The following SEL1L variants were observed in gnomAD, a reference collection of about 807,000 sequenced individuals.
The protein encoded by SEL1L is protein sel-1 homolog 1.
In SEL1L, 52 loss-of-function variants were observed where a neutral mutation model predicts 109.8. That is an observed-to-expected ratio of 0.47 (90% CI 0.38 to 0.60). The LOEUF (loss-of-function observed/expected upper bound fraction) is 0.60. Ranked by LOEUF, SEL1L falls within the 20% of genes least tolerant of loss-of-function variation. The probability of loss-of-function intolerance (pLI) is 0.00; values close to 1 mark genes in which losing one functional copy is unlikely to be tolerated. For synonymous variants in SEL1L, 373 were observed against 339.6 expected (o/e 1.10, Z -1.08); for missense variants, 749 against 962.2 (o/e 0.78, Z 2.93).
At chr14:81,525,296 C>T (rs1185165917) in intron 3 of SEL1L, among the ~76,000 whole-genome samples, 3 of 151,936 alleles carry the variant, frequency 2.0e-5, no homozygotes, top group Non-Finnish European at 4.4e-5. Context: ...TGCCTGTAAT[C>T]CCAGCACTTT....
At chr14:81,479,581 A>AT (rs752611815) in intron 20 of SEL1L, 31 bp downstream of exon 20, 1 of 1,582,048 alleles carries the variant, frequency 6.3e-7, no homozygotes, top group South Asian at 1.2e-5. Flanking sequence ...CATCATTTAT[A>AT]TTTTAATGAA....
At chr14:81,479,582 T>C (rs1358743048) in intron 20 of SEL1L, 30 bp downstream of exon 20, 2 of 1,582,686 alleles carry the variant, frequency 1.3e-6, no homozygotes, top group East Asian at 4.5e-5. Flanking sequence ...ATCATTTATA[T>C]TTTAATGAAA....
intron 8 of SEL1L, 113 bp downstream of exon 8, chr14:81,499,346 T>C (rs561674542): frequency 6.8e-7 from 1 of 1,472,484 alleles, no homozygotes; most frequent in Non-Finnish European, 9.0e-7. Flanking sequence ...AACTGAATAT[T>C]TGGTCTTAAT....
intron 11 of SEL1L, among the ~76,000 whole-genome samples, chr14:81,493,499 A>T (rs1883626103): frequency 7.0e-6 from 1 of 143,518 alleles, no homozygotes; most frequent in Non-Finnish European, 1.5e-5. Flanking sequence ...AACAGAGTGA[A>T]CCCTGTCTCA....
In SEL1L at chr14:81,508,053, C is replaced by T. The variant is rs558278855; in HGVS notation, c.341-1812G>A. Among the ~76,000 whole-genome samples the T allele has an allele frequency of 1.3e-4, 20 of 152,284 alleles. No homozygotes were observed. In the South Asian group the frequency reaches 3.1e-3, roughly 24 times the overall value. Reference sequence around the variant, plus strand: ...TACATGTAAAGGACTCATTATGGTGCCTATCACTTTAGGTAATAAGAGTTC... The same window carrying T: ...TACATGTAAAGGACTCATTATGGTGTCTATCACTTTAGGTAATAAGAGTTC... On this transcript the variant is annotated intron_variant, in intron 3 of 20. Transcript: ENST00000336735.
chr14:81,510,506 CTCTCTCTCTA>C lies in SEL1L; in HGVS notation c.341-4275_341-4266del, dbSNP rs1257399226. 2.9e-3 allele frequency among the ~76,000 whole-genome samples: 347 copies of C among 121,016 alleles called. 2 individuals are homozygous for C. The highest frequency in any genetic ancestry group is 4.8e-3 in the Middle Eastern group (1 of 210). The allele number at this position is 121,016 out of a possible 152,430, so 79.4% of individuals were successfully genotyped here. ...TCTCTCTCTCTCTCTCTCTCTCTCT[CTCTCTCTCTA>C]TATATATATATATAGACAATTAAAG... On this transcript the variant is annotated intron_variant, in intron 3 of 20. Coordinates refer to ENST00000336735, the MANE Select transcript of SEL1L (RefSeq NM_005065.6).
chr14:81,525,034 C>T (rs1042558444), intron 3 of SEL1L, among the ~76,000 whole-genome samples: 1 of 152,074 alleles, frequency 6.6e-6, no homozygotes, highest in Non-Finnish European at 1.5e-5. Context: ...GGAGTAATGG[C>T]TAATTCTGTG....
chr14:81,478,192 T>C (rs1903228995), intron 20 of SEL1L, among the ~76,000 whole-genome samples: 1 of 152,196 alleles, frequency 6.6e-6, no homozygotes, highest in South Asian at 2.1e-4. Context: ...AAGATCTCTA[T>C]AACACGTTTG....
At chr14:81,514,006 C>T (rs1036580334) in intron 3 of SEL1L, among the ~76,000 whole-genome samples, 3 of 152,208 alleles carry the variant, frequency 2.0e-5, no homozygotes, top group African/African-American at 7.2e-5. Flanking sequence ...CAAACTTCCT[C>T]TCGCCTCTCT....
At chr14:81,517,343 G>A (rs1884740580) in intron 3 of SEL1L, among the ~76,000 whole-genome samples, 1 of 152,214 alleles carries the variant, frequency 6.6e-6, no homozygotes, top group African/African-American at 2.4e-5. Context: ...GGAAGAGAAA[G>A]GACCCCCAAA....
chr14:81,497,914 T>C lies in SEL1L; in HGVS notation c.1106A>G (p.Glu369Gly). 2.5e-6 allele frequency: 4 copies of C among 1,613,700 alleles called. No homozygotes were observed. Among genetic ancestry groups the C allele is most frequent in the Non-Finnish European group, 3.4e-6 (4 of 1,179,820 alleles). Residue 369 changes from glutamate to glycine, a missense_variant, in exon 10 of 21, where the codon GAA becomes GGA. This residue lies in a region of SEL1L where 383 missense variants were observed against 562.5 expected (regional missense o/e 0.68). Coordinates refer to ENST00000336735, the MANE Select transcript of SEL1L (RefSeq NM_005065.6). ...TACCTGTGCTTGTACATCACCTTTTTCAGCTAGGAACTGGTAATATTGAAT... is the reference window on the plus strand; with the variant it reads ...TACCTGTGCTTGTACATCACCTTTTCCAGCTAGGAACTGGTAATATTGAAT... ...DLIQYYQFLAEKGDVQAQVGL... is the reference protein window; with the variant it reads ...DLIQYYQFLAGKGDVQAQVGL...
intron 12 of SEL1L, 33 bp from the exon 13 acceptor site, chr14:81,490,498 G>A (rs775645837): frequency 6.7e-7 from 1 of 1,488,230 alleles, no homozygotes; most frequent in South Asian, 1.1e-5. Context: ...AGTAAGAGCT[G>A]TAACCCTCTC....
intron 1 of SEL1L, among the ~76,000 whole-genome samples, chr14:81,529,599 C>A (rs547740625): frequency 3.9e-5 from 6 of 152,178 alleles, no homozygotes; most frequent in Non-Finnish European, 7.4e-5. Context: ...TTTCAAACTC[C>A]AAGAAACATG....
chr14:81,526,633 A>C (rs1050102926), intron 3 of SEL1L, 100 bp downstream of exon 3: 5 of 851,930 alleles, frequency 5.9e-6, no homozygotes, highest in Non-Finnish European at 9.8e-6. Flanking sequence ...TGTGGGTAAT[A>C]ATCAGTGAAG....
intron 10 of SEL1L, among the ~76,000 whole-genome samples, chr14:81,496,662 C>T (rs927986617): frequency 2.0e-5 from 3 of 152,154 alleles, no homozygotes; most frequent in East Asian, 1.9e-4. Flanking sequence ...ATCGCTTGAA[C>T]CCGGGAAGCG....
In SEL1L at chr14:81,526,741, C is replaced by T. The variant is rs183664645; in HGVS notation, c.332G>A (p.Arg111Gln). The stretch of plus-strand genomic sequence containing the variant: ...GAAAATGTCCAGACTACCTGGTTTC[C>T]GTACTTTCTTTGGCTCTTCATAGTC... ...NKDYEEPKKV[R>Q]KPALTAIEGT... The change falls in exon 3 of 21, where the codon CGG (arginine) becomes CAG (glutamine). Residue 111 changes from arginine (R) to glutamine (Q), a missense_variant. Physicochemically the swap from Arg to Gln is conservative, Grantham distance 43. Coordinates refer to ENST00000336735, the MANE Select transcript of SEL1L (RefSeq NM_005065.6). 8.3e-5 allele frequency: 134 copies of T among 1,612,134 alleles called. No individual in the cohort carries two copies. In the East Asian group the frequency reaches 2.5e-3, roughly 30 times the overall value.
At position 81,472,432 on chromosome 14, in the gene SEL1L, G is replaced by T. The variant is rs1903038955; in HGVS notation, c.*4540C>A. On this transcript the variant is annotated 3_prime_UTR_variant, in exon 21 of 21. Transcript: ENST00000336735. The stretch of plus-strand genomic sequence containing the variant: ...CTTTGAGTTGCCTGCTGGGAAGCTG[G>T]GGGCCAAATTTGTAGCCCACTTCCA... The T allele has an allele frequency of 4.6e-6, 1 of 217,762 alleles. No individual in the cohort carries two copies. Among genetic ancestry groups the T allele is most frequent in the Non-Finnish European group, 9.4e-6 (1 of 106,698 alleles). 13.5% of individuals were successfully genotyped at this position (217,762 alleles called of 1,614,324 possible). A position where few individuals can be genotyped will look rare whatever the true frequency, so the allele number is the denominator to read the frequency against.
intron 3 of SEL1L, among the ~76,000 whole-genome samples, chr14:81,512,378 T>G (rs1300937743): frequency 6.6e-6 from 1 of 152,234 alleles, no homozygotes; most frequent in Non-Finnish European, 1.5e-5. Flanking sequence ...AACATATCAT[T>G]GACATTCTTG....
At chr14:81,521,854 G>A (rs1884918105) in intron 3 of SEL1L, among the ~76,000 whole-genome samples, 2 of 152,054 alleles carry the variant, frequency 1.3e-5, no homozygotes, top group African/African-American at 2.4e-5. Context: ...TACAGGCATC[G>A]TTATCATAGG....
Sources: gnomAD v4.1 joint callset for allele counts (sites outside exome capture counted in the v4.1 genomes callset) on GRCh38, gnomAD v4.1.1 for gene constraint, gnomAD v4.1.1 regional missense constraint, MANE v1.5 for transcripts, NCBI Gene and HGNC (gene_info 2026-07-23, HGNC 2026-07-21) for gene names.